The following ZNF862 variants were observed in gnomAD, a reference collection of about 807,000 sequenced individuals.
ZNF862 encodes the protein zinc finger protein 862.
In ZNF862, 64 loss-of-function variants were observed where a neutral mutation model predicts 91.1. That is an observed-to-expected ratio of 0.70 (90% CI 0.57 to 0.87). ZNF862 has a LOEUF of 0.87. Among genes scored for constraint, ZNF862 ranks in the 40% least tolerant of loss-of-function variants. The pLI, the probability that ZNF862 is intolerant of heterozygous loss-of-function variation, is 0.00. For synonymous variants in ZNF862, 631 were observed against 618.1 expected, an observed-to-expected ratio of 1.02 and a Z score of -0.31; for missense variants, 1,459 against 1,528.0, an observed-to-expected ratio of 0.95 and a Z score of 0.75.
intron 4 of ZNF862, 134 bp downstream of exon 4, chr7:149,848,566 C>A: frequency 2.8e-6 from 2 of 714,354 alleles, no homozygotes; most frequent in Non-Finnish European, 4.3e-6. Flanking sequence ...TGGCATATAC[C>A]AACATGCTTA....
In ZNF862 at chr7:149,847,730, T is replaced by C; in HGVS notation, c.242-5T>C. On this transcript the variant is annotated splice_polypyrimidine_tract_variant and splice_region_variant and intron_variant, in intron 3 of 7. Coordinates refer to ENST00000223210, the MANE Select transcript of ZNF862 (RefSeq NM_001099220.3). ...AAGCCAATCCCTTCTGTCTCTTCTCTAAAGGAAAAAAACAGATGGGCTACA... is the reference window on the plus strand; with the variant it reads ...AAGCCAATCCCTTCTGTCTCTTCTCCAAAGGAAAAAAACAGATGGGCTACA... 1 of 1,601,204 alleles carries C rather than the reference T, an allele frequency of 6.2e-7. No homozygotes were observed. The highest frequency in any genetic ancestry group is 1.7e-5 in the Admixed American group (1 of 57,534).
chr7:149,838,681 C>A, intron 1 of ZNF862, 46 bp downstream of exon 1: 1 of 1,187,446 alleles, frequency 8.4e-7, no homozygotes, highest in Non-Finnish European at 1.1e-6. Flanking sequence ...CCCGAGGATC[C>A]CCGAGCCGGG....
intron 4 of ZNF862, among the ~76,000 whole-genome samples, chr7:149,849,920 C>T (rs538469722): frequency 2.0e-5 from 3 of 152,350 alleles, no homozygotes; most frequent in East Asian, 1.9e-4. Flanking sequence ...TCTTTCCACA[C>T]GCTTTCATTT....
intron 1 of ZNF862, 93 bp downstream of exon 1, chr7:149,838,728 C>G: frequency 1.2e-6 from 1 of 819,582 alleles, no homozygotes; most frequent in Non-Finnish European, 1.6e-6. Flanking sequence ...GGAGGCCCCG[C>G]AGATGAGCCA....
intron 5 of ZNF862, chr7:149,852,084 A>T (rs1802083567): frequency 6.6e-6 from 1 of 152,154 alleles, no homozygotes; most frequent in South Asian, 2.1e-4. Context: ...GAGCCTGGGG[A>T]CTATGGGCAG....
In ZNF862 at chr7:149,862,520, C is replaced by A. The variant is rs753998558; in HGVS notation, c.3334+26C>A. 3 of 1,550,994 alleles carry A rather than the reference C, an allele frequency of 1.9e-6. No individual in the cohort carries two copies. In the East Asian group the frequency reaches 6.8e-5, roughly 35 times the overall value. On this transcript the variant is annotated intron_variant, in intron 7 of 7. Transcript: ENST00000223210. The stretch of plus-strand genomic sequence containing the variant: ...GTAAGTACACGTGGCAGAGCTCCCC[C>A]AAGGCAGCCTCATGCTGAGCCAGAG...
intron 5 of ZNF862, among the ~76,000 whole-genome samples, chr7:149,858,184 A>G (rs990466675): frequency 1.3e-5 from 2 of 152,118 alleles, no homozygotes; most frequent in Non-Finnish European, 2.9e-5. Flanking sequence ...TCTGGTACCA[A>G]CCAGCTTGCT....
At position 149,859,460 on chromosome 7, in the gene ZNF862, G is replaced by C. The variant is rs779635767; in HGVS notation, c.1156G>C (p.Glu386Gln). The C allele has an allele frequency of 1.3e-6, 2 of 1,588,640 alleles. No homozygotes were observed. Among genetic ancestry groups the C allele is most frequent in the South Asian group, 2.3e-5 (2 of 86,732 alleles). ...AAKPDLISKL[E>Q]RRAAPWIKDP... ...CAAGCCAGACTTGATCTCCAAACTGGAGCGGAGGGCTGCACCCTGGATCAA... is the reference window on the plus strand; with the variant it reads ...CAAGCCAGACTTGATCTCCAAACTGCAGCGGAGGGCTGCACCCTGGATCAA... The change falls in exon 6 of 8, where the codon GAG (glutamate) becomes CAG (glutamine). Residue 386 changes from glutamate to glutamine, a missense_variant. Coordinates refer to ENST00000223210, the MANE Select transcript of ZNF862 (RefSeq NM_001099220.3).
intron 7 of ZNF862, among the ~76,000 whole-genome samples, chr7:149,863,739 G>A (rs999559523): frequency 2.0e-5 from 3 of 152,226 alleles, no homozygotes; most frequent in Non-Finnish European, 4.4e-5. Context: ...CATTGTTGAT[G>A]CTGGGGCTGG....
Position 149,850,400 on chromosome 7 carries a change from A to G in ZNF862, c.1117+62A>G. 3 of 1,521,984 alleles carry G rather than the reference A, an allele frequency of 2.0e-6. No individual in the cohort carries two copies. Among genetic ancestry groups the G allele is most frequent in the Non-Finnish European group, 2.7e-6 (3 of 1,128,684 alleles). 94.3% of individuals were successfully genotyped at this position (1,521,984 alleles called of 1,614,324 possible). On this transcript the variant is annotated intron_variant, in intron 5 of 7. Coordinates refer to ENST00000223210, the MANE Select transcript of ZNF862 (RefSeq NM_001099220.3). The surrounding 1 kb of genome is among the most constrained non-coding windows in gnomAD (Gnocchi z 4.2). Reference sequence around the variant, plus strand: ...TTTGACTTGGGAAGCCCACAAGGGGAGCTGTGGCTTGTGGTTATCTTCCCA... The same window carrying G: ...TTTGACTTGGGAAGCCCACAAGGGGGGCTGTGGCTTGTGGTTATCTTCCCA...
intron 1 of ZNF862, among the ~76,000 whole-genome samples, chr7:149,839,445 C>A (rs1167904400): frequency 6.6e-6 from 1 of 152,116 alleles, no homozygotes; most frequent in Admixed American, 6.5e-5. Context: ...AAAAACTGTC[C>A]ATTTAATAAA....
Position 149,847,825 on chromosome 7 carries a change from A to T in ZNF862, c.332A>T (p.Tyr111Phe). 6.2e-7 allele frequency: 1 copy of T among 1,613,742 alleles called. No individual in the cohort carries two copies. Among genetic ancestry groups the T allele is most frequent in the South Asian group, 1.1e-5 (1 of 91,012 alleles). The change falls in exon 4 of 8, where the codon TAC becomes TTC. Residue 111 changes from tyrosine (Y) to phenylalanine (F), a missense_variant. By Grantham distance (22) the Tyr-to-Phe change is conservative. Transcript: ENST00000223210. ...GQSLPPQKKAYLSHLSTGSGH... is the reference protein window; with the variant it reads ...GQSLPPQKKAFLSHLSTGSGH... ...TCCCTCCCGCCTCAGAAGAAAGCCT[A>T]CCTTTCCCACCTCAGTACAGGCAGT...
In ZNF862 at chr7:149,861,902, A is replaced by G. The variant is rs1802520149; in HGVS notation, c.2742A>G (p.Glu914=). The stretch of plus-strand genomic sequence containing the variant: ...GCTTGGACAAACTGGAGGTAGCGGA[A>G]CAGCGGTTCCAGGCGGATAGGGAGA... ...GICLDKLEVA[E]QRFQADRERT... The change falls in exon 7 of 8, where the codon GAA becomes GAG. Residue 914 remains glutamate, a synonymous_variant. Transcript: ENST00000223210. The surrounding 1 kb of genome is among the most constrained non-coding windows in gnomAD (Gnocchi z 6.7). The G allele has an allele frequency of 1.2e-6, 2 of 1,613,628 alleles. No individual in the cohort carries two copies. The highest frequency in any genetic ancestry group is 2.7e-5 in the African/African-American group (2 of 74,908).
chr7:149,841,553 C>G, intron 1 of ZNF862: 5 of 985,404 alleles, frequency 5.1e-6, no homozygotes, highest in Non-Finnish European at 6.0e-6. Flanking sequence ...TTAATAGGGT[C>G]TCAGGAAGGA....
At position 149,864,563 on chromosome 7, in the gene ZNF862, A is replaced by T; in HGVS notation, c.*279A>T. On this transcript the variant is annotated 3_prime_UTR_variant, in exon 8 of 8. Transcript: ENST00000223210. ...AGGTGCTGCAGAAAATAACCCCATC[A>T]TGAAAGGTTTCAGCCCCTGAGTTTT... The T allele has an allele frequency of 5.2e-6, 2 of 382,926 alleles. No individual in the cohort carries two copies. The highest frequency in any genetic ancestry group is 9.5e-6 in the Non-Finnish European group (2 of 210,464). 23.7% of individuals were successfully genotyped at this position (382,926 alleles called of 1,614,324 possible). A position where few individuals can be genotyped will look rare whatever the true frequency, so the allele number is the denominator to read the frequency against.
intron 1 of ZNF862, 62 bp downstream of exon 1, chr7:149,838,697 G>A (rs1801603681): frequency 1.8e-6 from 2 of 1,092,372 alleles, no homozygotes; most frequent in Admixed American, 4.3e-5. Context: ...CCGGGCTCGG[G>A]CGAGGCGGGG....
chr7:149,863,754 T>C (rs1206262334), intron 7 of ZNF862, among the ~76,000 whole-genome samples: 5 of 152,184 alleles, frequency 3.3e-5, no homozygotes, highest in Admixed American at 3.3e-4. Context: ...GGCTGGGTAA[T>C]CTCTGTTGGG....
chr7:149,841,800 T>C (rs1314620045), intron 1 of ZNF862: 1 of 973,878 alleles, frequency 1.0e-6, no homozygotes, highest in Non-Finnish European at 1.2e-6. Flanking sequence ...CATTTTTTTC[T>C]GAACATGGTT....
Position 149,845,110 on chromosome 7 carries a change from T to C in ZNF862, c.136+374T>C, listed in dbSNP as rs1283423947. On this transcript the variant is annotated intron_variant, in intron 2 of 7. Transcript: ENST00000223210. ...AGCAGTGGTGGCAAGAGCATCACAT[T>C]TGTGATGTGGAAATCTGGTCTCAAT... The C allele has an allele frequency of 2.5e-5, 5 of 203,976 alleles. No homozygotes were observed. The South Asian group carries it at 3.4e-4, about 14-fold the overall frequency. The allele number at this position is 203,976 out of a possible 1,614,324, so 12.6% of individuals were successfully genotyped here. A position where few individuals can be genotyped will look rare whatever the true frequency, so the allele number is the denominator to read the frequency against.
Sources: allele counts gnomAD v4.1 joint callset (sites outside exome capture counted in the v4.1 genomes callset), GRCh38; gene constraint gnomAD v4.1.1; non-coding constraint Gnocchi (gnomAD v3.1); transcripts MANE v1.5; gene names NCBI Gene and HGNC (gene_info 2026-07-23, HGNC 2026-07-21).